PHF8: variants seen among roughly 807,000 people sequenced by gnomAD.
PHF8 encodes the protein PHD finger protein 8.
A neutral mutation model predicts 74.4 loss-of-function variants in PHF8; 9 were observed. That is an observed-to-expected ratio of 0.12 (90% confidence interval 0.07 to 0.21). The LOEUF (loss-of-function observed/expected upper bound fraction) is 0.21, where lower values mean the gene tolerates loss of function less well. PHF8 is among the 10% of genes least tolerant of loss of function. The probability of loss-of-function intolerance (pLI) is 1.00; values close to 1 mark genes in which losing one functional copy is unlikely to be tolerated. For missense variants in PHF8, 478 were observed against 816.6 expected (o/e 0.59, Z 5.05); for synonymous variants, 311 against 316.6 (o/e 0.98, Z 0.19).
At chrX:54,045,195 A>T, upstream of PHF8, 1 of 257,569 alleles carries the variant, frequency 3.9e-6, no homozygotes, top group South Asian at 1.6e-4. Context: ...CACCTGTCCC[A>T]CAATTTTCTG....
rs782208499 is a variant in PHF8 at position 53,984,963 on chromosome X, A to G, written c.2394T>C (p.Ser798=). 8.3e-7 allele frequency: 1 copy of G among 1,210,461 alleles called. No individual in the cohort carries two copies. Among genetic ancestry groups the G allele is most frequent in the Non-Finnish European group, 1.1e-6 (1 of 894,849 alleles). ...TESEEEEENA[S]LDEQDSLGAC... ...CTCCCAAGCTGTCCTGTTCATCCAG[A>G]CTGGCGTTCTCCTCCTCCTCCTCGC... The change falls in exon 18 of 22, where the codon AGT becomes AGC. Residue 798 remains serine, a synonymous_variant. Coordinates refer to ENST00000338154, the MANE Select transcript of PHF8 (RefSeq NM_015107.3).
At chrX:53,952,829 G>C (rs1425765192) in intron 19 of PHF8, among the ~76,000 whole-genome samples, 2 of 103,369 alleles carry the variant, frequency 1.9e-5, no homozygotes, top group African/African-American at 7.2e-5. Context: ...CTTGCAGTGA[G>C]CCGAGCCGAG....
intron 18 of PHF8, among the ~76,000 whole-genome samples, chrX:53,979,783 A>T (rs2065450452): frequency 8.9e-6 from 1 of 112,038 alleles, no homozygotes; most frequent in Non-Finnish European, 1.9e-5. Context: ...AAATCTTTTA[A>T]AGTAAAGCTA....
intron 2 of PHF8, among the ~76,000 whole-genome samples, chrX:54,042,009 T>C (rs1254444343): frequency 8.9e-6 from 1 of 112,068 alleles, no homozygotes; most frequent in East Asian, 2.8e-4. Flanking sequence ...ATTGTCAGAC[T>C]ATAAAAATGA....
intron 18 of PHF8, among the ~76,000 whole-genome samples, chrX:53,983,939 G>A (rs1044557823): frequency 1.5e-4 from 17 of 112,416 alleles, no homozygotes; most frequent in Non-Finnish European, 3.2e-4. Flanking sequence ...AGGTATACAT[G>A]AAAATGATGA....
chrX:53,950,180 C>T (rs2064901265), intron 19 of PHF8, among the ~76,000 whole-genome samples: 1 of 111,507 alleles, frequency 9.0e-6, no homozygotes, highest in Non-Finnish European at 1.9e-5. Flanking sequence ...TTAGTGAACA[C>T]CTTGAAAAAC....
chrX:53,982,631 T>C (rs2065496942), intron 18 of PHF8, among the ~76,000 whole-genome samples: 1 of 111,851 alleles, frequency 8.9e-6, no homozygotes, highest in Admixed American at 9.5e-5. Context: ...TGGACTAAAG[T>C]GGAAAACAAA....
In PHF8 at chrX:53,999,975, G is replaced by A; in HGVS notation, c.1142-14C>T. ...TCTCTCGCAAACCTAAAGGAGGAAA[G>A]AGGAAAGCAGAGTGTCAACAAAGCC... is the stretch of plus-strand genomic sequence containing the variant. On this transcript the variant is annotated splice_polypyrimidine_tract_variant and intron_variant, in intron 10 of 21. Transcript: ENST00000338154. 1 of 1,053,010 alleles carries A rather than the reference G, an allele frequency of 9.5e-7. No homozygotes were observed. The highest frequency in any genetic ancestry group is 1.3e-6 in the Non-Finnish European group (1 of 751,733). 86.8% of individuals were successfully genotyped at this position (1,053,010 alleles called of 1,213,427 possible). A position where few individuals can be genotyped will look rare whatever the true frequency, so the allele number is the denominator to read the frequency against.
At chrX:53,995,997 T>C (rs1348298465) in intron 11 of PHF8, among the ~76,000 whole-genome samples, 7 of 111,303 alleles carry the variant, frequency 6.3e-5, no homozygotes, top group African/African-American at 1.6e-4. Context: ...AAATGGATCA[T>C]AGACCTAAAT....
intron 19 of PHF8, among the ~76,000 whole-genome samples, chrX:53,951,373 T>C (rs1462140852): frequency 2.7e-5 from 3 of 111,924 alleles, no homozygotes; most frequent in Non-Finnish European, 5.6e-5. Context: ...GAAAAACAAT[T>C]TATACATTCA....
chrX:54,043,819 G>A lies in PHF8; in HGVS notation c.-150C>T. The A allele has an allele frequency of 6.6e-6, 5 of 753,758 alleles. No homozygotes were observed. Among genetic ancestry groups the A allele is most frequent in the Non-Finnish European group, 7.8e-6 (5 of 638,569 alleles). The allele number at this position is 753,758 out of a possible 1,213,427, so 62.1% of individuals were successfully genotyped here. A position where few individuals can be genotyped will look rare whatever the true frequency, so the allele number is the denominator to read the frequency against. On this transcript the variant is annotated 5_prime_UTR_variant, in exon 1 of 22. Coordinates refer to ENST00000338154, the MANE Select transcript of PHF8 (RefSeq NM_015107.3). The stretch of plus-strand genomic sequence containing the variant: ...CCTCCTCACGCCCCAAACCTGACAA[G>A]AACGTCTTCAGTCCAGAATCCTACA...
intron 2 of PHF8, among the ~76,000 whole-genome samples, chrX:54,035,749 A>C (rs1310655118): frequency 9.0e-6 from 1 of 111,066 alleles, no homozygotes; most frequent in African/African-American, 3.3e-5. Context: ...AGGCTGCAGT[A>C]AACCATGATC....
intron 19 of PHF8, among the ~76,000 whole-genome samples, chrX:53,950,742 A>C (rs2064910296): frequency 1.8e-5 from 2 of 112,704 alleles, no homozygotes; most frequent in African/African-American, 6.4e-5. Flanking sequence ...ACTTTACAGA[A>C]TTAGTTCAGA....
At chrX:54,042,572 G>T in intron 2 of PHF8, 59 bp downstream of exon 2, 38 of 987,232 alleles carry the variant, frequency 3.8e-5, no homozygotes, top group Non-Finnish European at 5.4e-5. Flanking sequence ...GAAAGGAAGA[G>T]AGAGCAAGTG....
At chrX:53,972,248 AG>A (rs1194221574) in intron 18 of PHF8, among the ~76,000 whole-genome samples, 1 of 103,215 alleles carries the variant, frequency 9.7e-6, no homozygotes, top group African/African-American at 3.6e-5. Context: ...ACTTGAACCC[AG>A]GAGGCAGAGG....
chrX:54,017,761 T>C lies in PHF8; in HGVS notation c.354A>G (p.Glu118=). 1 of 1,209,527 alleles carries C rather than the reference T, an allele frequency of 8.3e-7. No individual in the cohort carries two copies. Among genetic ancestry groups the C allele is most frequent in the Non-Finnish European group, 1.1e-6 (1 of 893,508 alleles). Residue 118 remains glutamate (E), a synonymous_variant, in exon 5 of 22, where the codon GAA becomes GAG. Transcript: ENST00000338154. ...GNQLTVEFLE[E]NSFSVPILVL... is the part of the protein sequence containing the mutation. Reference sequence around the variant, plus strand: ...CCAGGATGGGCACACTGAAGCTATTTTCTTCCAGGAATTCCACGGTCAGTT... The same window carrying C: ...CCAGGATGGGCACACTGAAGCTATTCTCTTCCAGGAATTCCACGGTCAGTT...
At chrX:53,984,710 T>C (rs2065533070) in intron 18 of PHF8, among the ~76,000 whole-genome samples, 1 of 112,313 alleles carries the variant, frequency 8.9e-6, no homozygotes, top group Admixed American at 9.4e-5. Context: ...AGATGATCTG[T>C]GTGAGCATAA....
intron 14 of PHF8, 126 bp from the exon 15 acceptor site, chrX:53,988,070 A>T: frequency 3.6e-6 from 2 of 562,666 alleles, no homozygotes; most frequent in Non-Finnish European, 6.0e-6. Context: ...CAGCTTTTTA[A>T]ATAAAAAGCT....
At position 53,942,644 on chromosome X, in the gene PHF8, C is replaced by G. The variant is rs1249386488; in HGVS notation, c.2649+1490G>C. The G allele has an allele frequency of 1.1e-5, 8 of 711,804 alleles. No individual in the cohort carries two copies. The Admixed American group carries it at 7.3e-4, about 65-fold the overall frequency. The allele number at this position is 711,804 out of a possible 1,213,427, so 58.7% of individuals were successfully genotyped here. A position where few individuals can be genotyped will look rare whatever the true frequency, so the allele number is the denominator to read the frequency against. On this transcript the variant is annotated intron_variant, in intron 20 of 21. Transcript: ENST00000338154. ...AGTATTCATAGTTTAATAAGAAACA[C>G]CAAAACATACATTTATGATTGTAAG...
Sources: gnomAD v4.1 joint callset for allele counts (sites outside exome capture counted in the v4.1 genomes callset) on GRCh38, gnomAD v4.1.1 for gene constraint, MANE v1.5 for transcripts, NCBI Gene and HGNC (gene_info 2026-07-23, HGNC 2026-07-21) for gene names.